Variants in CCDC141 observed in about 807,000 individuals in gnomAD.
CCDC141 encodes coiled-coil domain containing 141.
A neutral mutation model predicts 181.0 loss-of-function variants in CCDC141; 168 were observed. The ratio of observed to expected loss-of-function variants is 0.93; its 90% CI spans 0.82 to 1.05. The LOEUF (loss-of-function observed/expected upper bound fraction) is 1.05, where lower values mean the gene tolerates loss of function less well. CCDC141 is among the 50% of genes least tolerant of loss of function. The pLI is 0.00. For missense variants in CCDC141, 1,902 were observed against 1,788.5 expected, an observed-to-expected ratio of 1.06 and a Z score of -1.14; for synonymous variants, 666 against 642.3, an observed-to-expected ratio of 1.04 and a Z score of -0.56.
At chr2:178,902,504 G>A (rs1322419716) in intron 8 of CCDC141, among the ~76,000 whole-genome samples, 6 of 152,160 alleles carry the variant, frequency 3.9e-5, no homozygotes, top group Non-Finnish European at 5.9e-5. Context: ...AAGCAATGGG[G>A]AAAGGATTCC....
chr2:178,825,015 A>G (rs77124669), downstream of CCDC141, among the ~76,000 whole-genome samples: 3,134 of 152,294 alleles, frequency 0.021, 72 homozygotes, highest in East Asian at 0.11. Context: ...GACATATAAG[A>G]CCAAAAATTA....
At chr2:178,891,115 A>AT (rs1448763692) in intron 8 of CCDC141, among the ~76,000 whole-genome samples, 5 of 152,192 alleles carry the variant, frequency 3.3e-5, no homozygotes, top group African/African-American at 4.8e-5. Flanking sequence ...ATTTTATTAA[A>AT]TTCATGATTA....
At chr2:178,822,369 C>A in the CCDC141 span, among the ~76,000 whole-genome samples, 1 of 148,872 alleles carries the variant, frequency 6.7e-6, no homozygotes, top group African/African-American at 2.5e-5. Context: ...AACAAACCTG[C>A]ATGTTGTGAA....
chr2:178,912,650 A>C (rs1339688813), intron 7 of CCDC141, among the ~76,000 whole-genome samples: 4 of 152,156 alleles, frequency 2.6e-5, no homozygotes, highest in Non-Finnish European at 5.9e-5. Context: ...TCTTGTGGTG[A>C]GGTTTGCATC....
At chr2:178,827,791 G>A (rs1286184413), downstream of CCDC141, among the ~76,000 whole-genome samples, 1 of 152,166 alleles carries the variant, frequency 6.6e-6, no homozygotes, top group Non-Finnish European at 1.5e-5. Context: ...TCCTAGGGCT[G>A]CCATAACAAA....
the CCDC141 span, among the ~76,000 whole-genome samples, chr2:178,822,185 C>T: frequency 2.0e-5 from 3 of 151,442 alleles, no homozygotes; most frequent in South Asian, 6.3e-4. Flanking sequence ...CATGTTCTCA[C>T]TCATAGGTGG....
At chr2:178,848,288 T>A (rs1685023632) in intron 21 of CCDC141, among the ~76,000 whole-genome samples, 1 of 152,188 alleles carries the variant, frequency 6.6e-6, no homozygotes, top group Middle Eastern at 3.4e-3. Context: ...AGAAGCACAA[T>A]GGTTTGGAAA....
chr2:179,000,188 G>T (rs35983866), intron 2 of CCDC141, among the ~76,000 whole-genome samples: 1 of 151,490 alleles, frequency 6.6e-6, no homozygotes, highest in Non-Finnish European at 1.5e-5. Context: ...TGGCCTGTAA[G>T]GTAAGAATGG....
intron 4 of CCDC141, among the ~76,000 whole-genome samples, chr2:178,972,740 A>G (rs759815517): frequency 6.6e-6 from 1 of 152,230 alleles, no homozygotes; most frequent in Non-Finnish European, 1.5e-5. Context: ...GAGAAGGTAT[A>G]TTATTCCCTC....
chr2:178,942,558 T>A lies in CCDC141; in HGVS notation c.897+1977A>T, dbSNP rs548563701. Among the ~76,000 whole-genome samples, 7 of 152,274 alleles carry A rather than the reference T, an allele frequency of 4.6e-5. No homozygotes were observed. In the South Asian group the frequency reaches 1.0e-3, roughly 23 times the overall value. On this transcript the variant is annotated intron_variant, in intron 6 of 23. Transcript: ENST00000443758. ...TTTAGGGCAGCAAGAATAATCTGTATAATTCAATGATGTTCAATCATTCAA... is the reference window on the plus strand; with the variant it reads ...TTTAGGGCAGCAAGAATAATCTGTAAAATTCAATGATGTTCAATCATTCAA...
chr2:178,898,498 T>G (rs1646802300), intron 8 of CCDC141, among the ~76,000 whole-genome samples: 1 of 152,214 alleles, frequency 6.6e-6, no homozygotes, highest in East Asian at 1.9e-4. Flanking sequence ...AAGAATGCAC[T>G]AAAATGCCTT....
chr2:178,922,221 G>A (rs1374897332), intron 6 of CCDC141, among the ~76,000 whole-genome samples: 2 of 152,154 alleles, frequency 1.3e-5, no homozygotes, highest in Non-Finnish European at 2.9e-5. Flanking sequence ...CATGCATTAT[G>A]TCATTTAATT....
intron 3 of CCDC141, among the ~76,000 whole-genome samples, chr2:178,975,467 T>C (rs995596546): frequency 6.6e-6 from 1 of 152,150 alleles, no homozygotes; most frequent in African/African-American, 2.4e-5. Flanking sequence ...ATTAAATTTT[T>C]CAACCAAAAT....
chr2:178,973,840 G>A (rs192204769), intron 4 of CCDC141, among the ~76,000 whole-genome samples: 103 of 152,280 alleles, frequency 6.8e-4, no homozygotes, highest in African/African-American at 2.3e-3. Flanking sequence ...GAACCCATCT[G>A]TTGCCTTCCA....
chr2:178,914,241 A>G (rs1688344647), intron 7 of CCDC141, among the ~76,000 whole-genome samples: 1 of 152,234 alleles, frequency 6.6e-6, no homozygotes, highest in Admixed American at 6.5e-5. Flanking sequence ...CTTTTCTCCA[A>G]TCAACTATTA....
chr2:178,990,099 G>A (rs145192915), intron 2 of CCDC141, among the ~76,000 whole-genome samples: 3 of 145,646 alleles, frequency 2.1e-5, no homozygotes, highest in South Asian at 4.4e-4. Flanking sequence ...AGATTGCACC[G>A]TTGCACTCAA....
At position 178,971,204 on chromosome 2, in the gene CCDC141, C is replaced by A. The variant is rs1690870053; in HGVS notation, c.526+3853G>T. Among the ~76,000 whole-genome samples, 2 of 152,022 alleles carry A rather than the reference C, an allele frequency of 1.3e-5. 1 individual carries two copies. The highest frequency in any genetic ancestry group is 4.2e-4 in the South Asian group (2 of 4,810). ...GCCTGGGTGGCAAAGCGAGACTCCA[C>A]CTCAATTAAAAAAAAATTTATAAGA... On this transcript the variant is annotated intron_variant, in intron 4 of 23. Coordinates refer to ENST00000443758, the MANE Select transcript of CCDC141 (RefSeq NM_173648.4).
chr2:178,831,433 A>C lies in CCDC141; in HGVS notation c.*2740T>G, dbSNP rs1267100168. On this transcript the variant is annotated 3_prime_UTR_variant, in exon 24 of 24. Coordinates refer to ENST00000443758, the MANE Select transcript of CCDC141 (RefSeq NM_173648.4). Reference sequence around the variant, plus strand: ...CAGAAAACCTGCTAGACAAATTCTAAAAGAGCTGTAACACATGTAATTTTT... The same window carrying C: ...CAGAAAACCTGCTAGACAAATTCTACAAGAGCTGTAACACATGTAATTTTT... The C allele has an allele frequency of 6.6e-6, 1 of 152,204 alleles. No homozygotes were observed. The highest frequency in any genetic ancestry group is 2.4e-5 in the African/African-American group (1 of 41,462). The allele number at this position is 152,204 out of a possible 1,614,324, so 9.4% of individuals were successfully genotyped here.
At chr2:178,916,323 C>T (rs1688445222) in intron 7 of CCDC141, among the ~76,000 whole-genome samples, 2 of 151,888 alleles carry the variant, frequency 1.3e-5, no homozygotes, top group Admixed American at 1.3e-4. Context: ...AATTTTAAAA[C>T]TTCAGTTCTT....
Sources: gnomAD v4.1 joint callset for allele counts (sites outside exome capture counted in the v4.1 genomes callset) on GRCh38, gnomAD v4.1.1 for gene constraint, MANE v1.5 for transcripts, NCBI Gene and HGNC (gene_info 2026-07-23, HGNC 2026-07-21) for gene names.